Variants in ASPA observed in about 807,000 individuals in gnomAD.
The protein encoded by ASPA is aspartoacylase, also known as ACY-2.
A neutral mutation model predicts 29.6 loss-of-function variants in ASPA; 25 were observed. That is an observed-to-expected ratio of 0.85 (90% CI 0.62 to 1.18). The LOEUF (loss-of-function observed/expected upper bound fraction) is 1.18, where lower values mean the gene tolerates loss of function less well. ASPA is among the 50% of genes most tolerant of loss of function. The pLI is 0.00. For synonymous variants in ASPA, 131 were observed against 130.3 expected (o/e 1.01, Z -0.04); for missense variants, 333 against 385.7 (o/e 0.86, Z 1.14).
intron 3 of ASPA, among the ~76,000 whole-genome samples, chr17:3,487,298 T>C (rs962718385): frequency 3.3e-5 from 5 of 152,168 alleles, no homozygotes; most frequent in African/African-American, 1.2e-4. Context: ...TTAAACATGC[T>C]TTTTTCCCAG....
At chr17:3,481,913 T>C (rs920250153) in intron 2 of ASPA, 115 bp downstream of exon 2, 19 of 1,013,154 alleles carry the variant, frequency 1.9e-5, no homozygotes, top group South Asian at 6.4e-5. Flanking sequence ...GAAATGGGGT[T>C]TATTCCATAG....
intron 5 of ASPA, among the ~76,000 whole-genome samples, chr17:3,495,341 G>C (rs916944362): frequency 6.6e-6 from 1 of 152,142 alleles, no homozygotes; most frequent in African/African-American, 2.4e-5. Flanking sequence ...TCCACTCTGA[G>C]ATACTCTGAT....
intron 2 of ASPA, among the ~76,000 whole-genome samples, chr17:3,482,863 A>C (rs545745120): frequency 1.7e-3 from 253 of 151,080 alleles, no homozygotes; most frequent in Middle Eastern, 6.8e-3. Flanking sequence ...ATATGTATAC[A>C]TGTGCCATGT....
Position 3,485,559 on chromosome 17 carries a change from A to G in ASPA, c.526+1967A>G, listed in dbSNP as rs2073704084. ...ATACTAGCCATCTAACACTGGAAAT[A>G]CATACATTCATGAGCTTGTCCGGAG... On this transcript the variant is annotated intron_variant, in intron 3 of 5. Transcript: ENST00000263080. This position sits in a 1 kb window ranked among gnomAD's most constrained non-coding sequence, Gnocchi z 4.4. Among the ~76,000 whole-genome samples the G allele has an allele frequency of 6.6e-6, 1 of 152,186 alleles. No individual in the cohort carries two copies. The highest frequency in any genetic ancestry group is 2.1e-4 in the South Asian group (1 of 4,832).
chr17:3,477,361 G>T (rs568743558), intron 1 of ASPA, among the ~76,000 whole-genome samples: 2 of 152,200 alleles, frequency 1.3e-5, no homozygotes, highest in African/African-American at 4.8e-5. Context: ...GCTAGGTTAG[G>T]TCCTTATTAA....
chr17:3,497,932 C>G (rs1353200375), intron 5 of ASPA, among the ~76,000 whole-genome samples: 1 of 152,130 alleles, frequency 6.6e-6, no homozygotes, highest in Non-Finnish European at 1.5e-5. Context: ...AAGAACTGTT[C>G]TGGGGTTCCC....
intron 5 of ASPA, among the ~76,000 whole-genome samples, chr17:3,494,827 C>T (rs896029916): frequency 7.9e-5 from 12 of 152,124 alleles, no homozygotes; most frequent in African/African-American, 2.2e-4. Flanking sequence ...CCACATTCAG[C>T]GGGTGGGAAT....
At chr17:3,498,757 A>C in intron 5 of ASPA, 134 bp from the exon 6 acceptor site, 1 of 874,028 alleles carries the variant, frequency 1.1e-6, no homozygotes, top group Middle Eastern at 3.7e-4. Flanking sequence ...ACTTGCCTGC[A>C]TCTCAATGCC....
intron 1 of ASPA, among the ~76,000 whole-genome samples, chr17:3,480,717 G>C (rs1267855661): frequency 6.6e-6 from 1 of 152,194 alleles, no homozygotes; most frequent in Non-Finnish European, 1.5e-5. Context: ...TCCCCAGGTA[G>C]GAAGGGGGCT....
chr17:3,476,023 T>C lies in ASPA; in HGVS notation c.-137T>C. ...GAACTTGTAACAGAAAATTAAAATA[T>C]ACTCCACTCAAGGGAATTCTGTACT... is the stretch of plus-strand genomic sequence containing the variant. On this transcript the variant is annotated 5_prime_UTR_variant, in exon 1 of 6. Transcript: ENST00000263080. The C allele has an allele frequency of 2.6e-6, 2 of 764,888 alleles. No homozygotes were observed. The highest frequency in any genetic ancestry group is 4.3e-6 in the Non-Finnish European group (2 of 466,344). 47.4% of individuals were successfully genotyped at this position (764,888 alleles called of 1,614,324 possible).
chr17:3,496,532 G>C lies in ASPA; in HGVS notation c.744+2073G>C, dbSNP rs557395592. Among the ~76,000 whole-genome samples, 519 of 152,298 alleles carry C rather than the reference G, an allele frequency of 3.4e-3. 2 individuals are homozygous for C. Among genetic ancestry groups the C allele is most frequent in the Non-Finnish European group, 4.5e-3 (309 of 68,018 alleles). On this transcript the variant is annotated intron_variant, in intron 5 of 5. Transcript: ENST00000263080. ...ACAAACTTGGAGCATCTGAGGAACA[G>C]CAAGAAGACCCATATCCCTGGAGAG... is the stretch of plus-strand genomic sequence containing the variant.
At position 3,485,022 on chromosome 17, in the gene ASPA, G is replaced by T. The variant is rs1459910948; in HGVS notation, c.526+1430G>T. ...TGATCATCATTCACAGTAGGGTTTT[G>T]TTTTGTTTTTTTTCTGGAAAAGGGT... is the stretch of plus-strand genomic sequence containing the variant. On this transcript the variant is annotated intron_variant, in intron 3 of 5. Transcript: ENST00000263080. The surrounding 1 kb of genome is among the most constrained non-coding windows in gnomAD (Gnocchi z 4.4). Among the ~76,000 whole-genome samples, 3 of 150,424 alleles carry T rather than the reference G, an allele frequency of 2.0e-5. No individual in the cohort carries two copies. The highest frequency in any genetic ancestry group is 4.9e-5 in the African/African-American group (2 of 40,966).
rs2073982561 is a variant in ASPA at position 3,500,949 on chromosome 17, G to A, written c.*1861G>A. On this transcript the variant is annotated 3_prime_UTR_variant, in exon 6 of 6. Transcript: ENST00000263080. ...GCCCACTGTTGAGACCTACTGCTTG[G>A]GAAAAAAAAAAATTCCTTTCAAAAT... The A allele has an allele frequency of 1.6e-5, 1 of 62,208 alleles. No individual in the cohort carries two copies. The highest frequency in any genetic ancestry group is 5.4e-5 in the Non-Finnish European group (1 of 18,362). 3.9% of individuals were successfully genotyped at this position (62,208 alleles called of 1,614,324 possible).
chr17:3,494,516 G>C, intron 5 of ASPA, 57 bp downstream of exon 5: 2 of 1,408,660 alleles, frequency 1.4e-6, no homozygotes, highest in Admixed American at 1.7e-5. Context: ...CCTTTGAATA[G>C]AAGTTTATAG....
intron 1 of ASPA, among the ~76,000 whole-genome samples, chr17:3,477,637 A>T (rs1032262904): frequency 3.9e-5 from 6 of 151,940 alleles, no homozygotes; most frequent in Non-Finnish European, 7.4e-5. Flanking sequence ...TATTTTTAGT[A>T]GAGACGGGGT....
At chr17:3,491,379 A>G (rs1477046901) in intron 4 of ASPA, among the ~76,000 whole-genome samples, 1 of 152,210 alleles carries the variant, frequency 6.6e-6, no homozygotes, top group Non-Finnish European at 1.5e-5. Context: ...TCCGTAATCC[A>G]GGAGAAACAT....
intron 1 of ASPA, among the ~76,000 whole-genome samples, chr17:3,479,258 T>C (rs1271664262): frequency 6.6e-6 from 1 of 152,212 alleles, no homozygotes; most frequent in Non-Finnish European, 1.5e-5. Flanking sequence ...GTGTCCATCT[T>C]TTTGAAAACT....
In ASPA at chr17:3,499,855, A is replaced by C. The variant is rs1360088478; in HGVS notation, c.*767A>C. Reference sequence around the variant, plus strand: ...AGAAAGGGTCATACTTCTAGAAATTAAGCTTAGTAAGGAAGGCATGTCAAA... The same window carrying C: ...AGAAAGGGTCATACTTCTAGAAATTCAGCTTAGTAAGGAAGGCATGTCAAA... On this transcript the variant is annotated 3_prime_UTR_variant, in exon 6 of 6. Transcript: ENST00000263080. 1.3e-5 allele frequency: 2 copies of C among 152,220 alleles called. No individual in the cohort carries two copies. Among genetic ancestry groups the C allele is most frequent in the Non-Finnish European group, 2.9e-5 (2 of 68,050 alleles). The allele number at this position is 152,220 out of a possible 1,614,324, so 9.4% of individuals were successfully genotyped here. A position where few individuals can be genotyped will look rare whatever the true frequency, so the allele number is the denominator to read the frequency against.
intron 3 of ASPA, among the ~76,000 whole-genome samples, chr17:3,487,266 C>G (rs938819277): frequency 6.6e-6 from 1 of 152,138 alleles, no homozygotes; most frequent in African/African-American, 2.4e-5. Context: ...AATGTTGACT[C>G]AGAAAGATTG....
Sources: gnomAD v4.1 joint callset for allele counts (sites outside exome capture counted in the v4.1 genomes callset) on GRCh38, gnomAD v4.1.1 for gene constraint, Gnocchi (gnomAD v3.1) non-coding constraint, MANE v1.5 for transcripts, NCBI Gene and HGNC (gene_info 2026-07-23, HGNC 2026-07-21) for gene names.